Variants in MAP4K4 observed in about 807,000 individuals in gnomAD.
The protein encoded by MAP4K4 is mitogen-activated protein kinase kinase kinase kinase 4.
MAP4K4 carries 38 observed loss-of-function variants against 189.6 expected under a neutral mutation model. The ratio of observed to expected loss-of-function variants is 0.20; its 90% CI spans 0.15 to 0.26. The LOEUF (loss-of-function observed/expected upper bound fraction) is 0.26. MAP4K4 is among the 10% of genes least tolerant of loss of function. The pLI is 1.00. For missense variants in MAP4K4, 1,054 were observed against 1,726.9 expected (o/e 0.61, Z 6.91); for synonymous variants, 610 against 624.3 (o/e 0.98, Z 0.34).
intron 26 of MAP4K4, among the ~76,000 whole-genome samples, chr2:101,876,554 A>G (rs142384781): frequency 3.3e-4 from 50 of 152,344 alleles, no homozygotes; most frequent in African/African-American, 1.2e-3. Flanking sequence ...GGCTGCATTT[A>G]TATGGCCCAT....
intron 2 of MAP4K4, among the ~76,000 whole-genome samples, chr2:101,729,456 G>A (rs537375794): frequency 1.3e-5 from 2 of 152,160 alleles, no homozygotes; most frequent in Non-Finnish European, 2.9e-5. Flanking sequence ...GGTGTCTTGG[G>A]TGGTGGTTTT....
At chr2:101,862,602 T>C (rs530887441) in intron 16 of MAP4K4, among the ~76,000 whole-genome samples, 1 of 152,324 alleles carries the variant, frequency 6.6e-6, no homozygotes, top group South Asian at 2.1e-4. Context: ...TATCTAATTT[T>C]TGCATTTGTT....
At chr2:101,774,126 A>G (rs2082776396) in intron 2 of MAP4K4, among the ~76,000 whole-genome samples, 2 of 152,202 alleles carry the variant, frequency 1.3e-5, no homozygotes, top group Non-Finnish European at 2.9e-5. Context: ...TAGATTTTTA[A>G]GGAACCTCCA....
chr2:101,860,959 C>T lies in MAP4K4; in HGVS notation c.1839C>T (p.Pro613=), dbSNP rs56312788. Residue 613 remains proline (P), a synonymous_variant, in exon 16 of 33, where the codon CCC becomes CCT. Transcript: ENST00000324219. The stretch of plus-strand genomic sequence containing the variant: ...ATGGCAACTCCGAGTCTGTGCATCC[C>T]GCCCTGCAGAGACCAGCGGAGCCAC... 2.6e-3 allele frequency: 4,099 copies of T among 1,602,096 alleles called. 81 individuals carry two copies. The East Asian group carries it at 0.029, about 11-fold the overall frequency.
intron 2 of MAP4K4, among the ~76,000 whole-genome samples, chr2:101,710,306 C>A (rs2044695976): frequency 6.6e-6 from 1 of 152,174 alleles, no homozygotes. Context: ...CATCTTAGTT[C>A]TCTATATGTA....
chr2:101,729,105 T>A (rs865933932), intron 2 of MAP4K4, among the ~76,000 whole-genome samples: 10 of 146,852 alleles, frequency 6.8e-5, no homozygotes, highest in African/African-American at 2.6e-4. Flanking sequence ...AGAGAGAGTG[T>A]GTGTGTGTGT....
intron 2 of MAP4K4, among the ~76,000 whole-genome samples, chr2:101,743,373 A>AGG (rs1455427736): frequency 1.3e-5 from 2 of 152,186 alleles, no homozygotes; most frequent in Non-Finnish European, 2.9e-5. Flanking sequence ...CTGTGACCCT[A>AGG]GACTCAATAA....
exon 33 of MAP4K4, chr2:101,891,357 CTG>C: frequency 1.1e-6 from 1 of 876,142 alleles, no homozygotes; most frequent in East Asian, 2.6e-5. Flanking sequence ...ACCAGGACAG[CTG>C]TGTGTGCAGA....
chr2:101,890,135 A>C (rs1221204808), intron 32 of MAP4K4, among the ~76,000 whole-genome samples: 1 of 152,246 alleles, frequency 6.6e-6, no homozygotes, highest in Non-Finnish European at 1.5e-5. Context: ...AATAAATGGC[A>C]CAAAAATTCT....
rs78302706 is a variant in MAP4K4, at chr2:101,753,144, T to G, written c.124-37576T>G. Among the ~76,000 whole-genome samples the G allele has an allele frequency of 7.6e-3, 1,161 of 152,364 alleles. 6 individuals are homozygous for G. The highest frequency in any genetic ancestry group is 0.013 in the Non-Finnish European group (886 of 68,030). On this transcript the variant is annotated intron_variant, in intron 2 of 32. Transcript: ENST00000324219. ...CAGGCACTGTTTTTATTTCCATTTT[T>G]TAGATGATGAAACTGAAGCTTAGAG...
At chr2:101,831,700 G>T (rs1407145016) in intron 6 of MAP4K4, 21 bp from the exon 7 acceptor site, 1 of 1,577,674 alleles carries the variant, frequency 6.3e-7, no homozygotes. Flanking sequence ...TTCTTTATCT[G>T]CCTTTTTCTT....
rs1014277674 is a variant in MAP4K4 at position 101,859,876 on chromosome 2, C to A, written c.1704+12C>A. 2 of 1,585,748 alleles carry A rather than the reference C, an allele frequency of 1.3e-6. No individual in the cohort carries two copies. The highest frequency in any genetic ancestry group is 2.3e-5 in the South Asian group (2 of 86,556). ...ACCGAGCGCGAGAGGTATCCTCTTT[C>A]CTTTGTCACTTAGACATTGCCCTGG... On this transcript the variant is annotated intron_variant, in intron 15 of 32. Transcript: ENST00000324219.
chr2:101,745,448 A>G (rs911233231), intron 2 of MAP4K4, among the ~76,000 whole-genome samples: 2 of 147,312 alleles, frequency 1.4e-5, no homozygotes, highest in African/African-American at 5.0e-5. Flanking sequence ...TAAAAAAAAA[A>G]AAAAAAAAAA....
chr2:101,770,478 T>C (rs1195115716), intron 2 of MAP4K4, among the ~76,000 whole-genome samples: 1 of 152,192 alleles, frequency 6.6e-6, no homozygotes, highest in Non-Finnish European at 1.5e-5. Context: ...CATTTTGCCA[T>C]GTTGGGCAGG....
chr2:101,856,076 C>G, exon 13 of MAP4K4: 1 of 1,550,604 alleles, frequency 6.4e-7, no homozygotes, highest in Non-Finnish European at 8.7e-7. Flanking sequence ...GGAGAGAAGG[C>G]GCAAAGAAGA....
At chr2:101,824,275 A>G (rs1341982586) in intron 4 of MAP4K4, among the ~76,000 whole-genome samples, 1 of 152,162 alleles carries the variant, frequency 6.6e-6, no homozygotes, top group Non-Finnish European at 1.5e-5. Context: ...AAAAAAGTTA[A>G]CTTTGTGTTT....
intron 9 of MAP4K4, among the ~76,000 whole-genome samples, chr2:101,839,148 C>T (rs1355304348): frequency 2.0e-5 from 3 of 152,218 alleles, no homozygotes; most frequent in Admixed American, 1.3e-4. Context: ...GTAAGAGTGT[C>T]TTGACCAAGG....
chr2:101,797,686 G>A (rs1004658301), intron 3 of MAP4K4, among the ~76,000 whole-genome samples: 1 of 151,686 alleles, frequency 6.6e-6, no homozygotes, highest in African/African-American at 2.4e-5. Context: ...TTAAATACTG[G>A]TATAAGACAA....
intron 3 of MAP4K4, among the ~76,000 whole-genome samples, chr2:101,820,043 C>G (rs1490781796): frequency 6.6e-6 from 1 of 152,180 alleles, no homozygotes; most frequent in Non-Finnish European, 1.5e-5. Flanking sequence ...ATTTTTAACT[C>G]AGTGAACTGT....
Sources: gnomAD v4.1 joint callset for allele counts (sites outside exome capture counted in the v4.1 genomes callset) on GRCh38, gnomAD v4.1.1 for gene constraint, MANE v1.5 for transcripts, NCBI Gene and HGNC (gene_info 2026-07-23, HGNC 2026-07-21) for gene names.